HSD17B12: variants seen among roughly 807,000 people sequenced by gnomAD.
HSD17B12 encodes the protein very-long-chain 3-oxoacyl-CoA reductase.
HSD17B12 carries 32 observed loss-of-function variants against 39.3 expected under a neutral mutation model. The ratio of observed to expected loss-of-function variants is 0.81; its 90% CI spans 0.61 to 1.09. The LOEUF (loss-of-function observed/expected upper bound fraction) is 1.09, where lower values mean the gene tolerates loss of function less well. Among genes scored for constraint, HSD17B12 ranks in the 50% least tolerant of loss-of-function variants. The pLI, the probability that HSD17B12 is intolerant of heterozygous loss-of-function variation, is 0.00. For synonymous variants in HSD17B12, 150 were observed against 146.7 expected (o/e 1.02, Z -0.16); for missense variants, 342 against 382.9 (o/e 0.89, Z 0.89).
chr11:43,599,282 G>A, the HSD17B12 span, among the ~76,000 whole-genome samples: 1 of 152,090 alleles, frequency 6.6e-6, no homozygotes, highest in East Asian at 1.9e-4. Flanking sequence ...CAGAATGCCT[G>A]GAGTGAACAT....
At chr11:43,795,050 A>G (rs1300998218) in intron 3 of HSD17B12, among the ~76,000 whole-genome samples, 1 of 152,054 alleles carries the variant, frequency 6.6e-6, no homozygotes, top group Non-Finnish European at 1.5e-5. Context: ...GGGAGGTGTG[A>G]AGATGGAAAT....
At chr11:43,705,861 A>T (rs553541812) in intron 1 of HSD17B12, among the ~76,000 whole-genome samples, 2 of 146,360 alleles carry the variant, frequency 1.4e-5, no homozygotes, top group Admixed American at 1.4e-4. Flanking sequence ...TCCCCGGCTC[A>T]AATAATCCTT....
intron 6 of HSD17B12, among the ~76,000 whole-genome samples, chr11:43,817,037 T>G (rs1308627272): frequency 1.1e-3 from 30 of 26,582 alleles, no homozygotes; most frequent in African/African-American, 2.8e-3. Context: ...TCTATATCTA[T>G]ATCTATATAT....
the HSD17B12 span, among the ~76,000 whole-genome samples, chr11:43,572,087 C>T: frequency 6.6e-6 from 1 of 152,172 alleles, no homozygotes; most frequent in Non-Finnish European, 1.5e-5. Flanking sequence ...TCTTGGAAGA[C>T]TGGACCAGGG....
chr11:43,716,756 T>A (rs1344875183), intron 1 of HSD17B12, among the ~76,000 whole-genome samples: 10 of 144,820 alleles, frequency 6.9e-5, no homozygotes, highest in Middle Eastern at 3.6e-3. Flanking sequence ...TATATATATA[T>A]AAAATATATA....
chr11:43,598,345 T>C, the HSD17B12 span, among the ~76,000 whole-genome samples: 2 of 152,160 alleles, frequency 1.3e-5, no homozygotes. Context: ...TGAAAAGAGC[T>C]GATTTTTAAT....
In HSD17B12 at chr11:43,845,726, G is replaced by A. The variant is rs114160550; in HGVS notation, c.684+5662G>A. 2.9e-3 allele frequency among the ~76,000 whole-genome samples: 447 copies of A among 152,176 alleles called. 4 individuals are homozygous for A. The highest frequency in any genetic ancestry group is 0.01 in the African/African-American group (427 of 41,500). On this transcript the variant is annotated intron_variant, in intron 9 of 10. Transcript: ENST00000278353. Reference sequence around the variant, plus strand: ...GATCCATCTGCTCTTCATTGGTGGCGATGTTTCTGATCCCCCACTCTAGGT... The same window carrying A: ...GATCCATCTGCTCTTCATTGGTGGCAATGTTTCTGATCCCCCACTCTAGGT...
rs753804701 is a variant in HSD17B12, at chr11:43,855,260, T to C, written c.*12T>C. 18 of 1,552,240 alleles carry C rather than the reference T, an allele frequency of 1.2e-5. No individual in the cohort carries two copies. The highest frequency in any genetic ancestry group is 1.6e-5 in the Non-Finnish European group (18 of 1,133,312). On this transcript the variant is annotated 3_prime_UTR_variant, in exon 11 of 11. Coordinates refer to ENST00000278353, the MANE Select transcript of HSD17B12 (RefSeq NM_016142.3). ...CCAAGAAGAACTAAGCATTGATAACTGCATTGTAACTTGGCCAGATGCTCC... is the reference window on the plus strand; with the variant it reads ...CCAAGAAGAACTAAGCATTGATAACCGCATTGTAACTTGGCCAGATGCTCC...
In HSD17B12 at chr11:43,815,457, T is replaced by C. The variant is rs1369619304; in HGVS notation, c.412T>C (p.Tyr138His). The C allele has an allele frequency of 6.3e-7, 1 of 1,578,344 alleles. No individual in the cohort carries two copies. The highest frequency in any genetic ancestry group is 2.3e-5 in the East Asian group (1 of 44,412). ...GILVNNVGMS[Y>H]EYPEYFLDVP... Reference sequence around the variant, plus strand: ...TTCAGTGAACAACGTGGGAATGTCGTATGAGTATCCTGAATACTTTTTGGA... The same window carrying C: ...TTCAGTGAACAACGTGGGAATGTCGCATGAGTATCCTGAATACTTTTTGGA... Residue 138 changes from tyrosine to histidine, a missense_variant, in exon 5 of 11, where the codon TAT (tyrosine) becomes CAT (histidine). Transcript: ENST00000278353.
At chr11:43,753,457 C>T (rs749370809) in intron 2 of HSD17B12, among the ~76,000 whole-genome samples, 24 of 146,388 alleles carry the variant, frequency 1.6e-4, no homozygotes, top group East Asian at 5.9e-4. Flanking sequence ...GGTGCAATCA[C>T]GGCTCACTGC....
At chr11:43,592,393 T>C in the HSD17B12 span, among the ~76,000 whole-genome samples, 2 of 152,164 alleles carry the variant, frequency 1.3e-5, no homozygotes, top group African/African-American at 4.8e-5. Flanking sequence ...TTTTCAGAAG[T>C]AATTCAAATT....
chr11:43,823,529 C>T (rs565015099), intron 6 of HSD17B12, among the ~76,000 whole-genome samples: 78 of 152,172 alleles, frequency 5.1e-4, no homozygotes, highest in East Asian at 1.9e-4. Context: ...CCTCAGCTTC[C>T]CGAAGTGCTG....
intron 9 of HSD17B12, among the ~76,000 whole-genome samples, chr11:43,850,376 C>G (rs1474139996): frequency 6.6e-6 from 1 of 152,178 alleles, no homozygotes; most frequent in African/African-American, 2.4e-5. Flanking sequence ...GCCCCAGCTT[C>G]TGCCTTAAGA....
chr11:43,651,906 C>T, the HSD17B12 span, among the ~76,000 whole-genome samples: 8 of 152,130 alleles, frequency 5.3e-5, no homozygotes, highest in African/African-American at 1.9e-4. Context: ...CACCAGAAAA[C>T]ATGAAATACC....
intron 5 of HSD17B12, 137 bp downstream of exon 5, chr11:43,815,638 G>A (rs965429244): frequency 2.0e-6 from 1 of 504,176 alleles, no homozygotes; most frequent in African/African-American, 1.9e-5. Context: ...GAGTTCCCTG[G>A]GTATGGGCCT....
At chr11:43,640,542 G>A in the HSD17B12 span, among the ~76,000 whole-genome samples, 51 of 152,194 alleles carry the variant, frequency 3.4e-4, no homozygotes, top group African/African-American at 1.2e-3. Flanking sequence ...TCGAAACTTA[G>A]AAATTCTAGG....
intron 4 of HSD17B12, among the ~76,000 whole-genome samples, chr11:43,800,975 C>T (rs531293683): frequency 6.6e-6 from 1 of 152,082 alleles, no homozygotes; most frequent in East Asian, 1.9e-4. Context: ...CCCATCTCTA[C>T]TAAAAATACA....
chr11:43,565,481 C>T, the HSD17B12 span, among the ~76,000 whole-genome samples: 2 of 152,194 alleles, frequency 1.3e-5, no homozygotes, highest in Admixed American at 1.3e-4. Flanking sequence ...TGACCCTTAA[C>T]CAGAGGTAGG....
At chr11:43,578,637 A>G in the HSD17B12 span, among the ~76,000 whole-genome samples, 1 of 151,646 alleles carries the variant, frequency 6.6e-6, no homozygotes, top group Non-Finnish European at 1.5e-5. Flanking sequence ...CGCCCCTCTC[A>G]GCCCTGCAAG....
Sources: allele counts gnomAD v4.1 joint callset (sites outside exome capture counted in the v4.1 genomes callset), GRCh38; gene constraint gnomAD v4.1.1; transcripts MANE v1.5; gene names NCBI Gene and HGNC (gene_info 2026-07-23, HGNC 2026-07-21).